ZNF420: variants seen among roughly 807,000 people sequenced by gnomAD.
The protein encoded by ZNF420 is ATM and p53-associated KZNF protein.
In ZNF420, 31 loss-of-function variants were observed where a neutral mutation model predicts 44.7. That is an observed-to-expected ratio of 0.69 (90% CI 0.52 to 0.94). The LOEUF is 0.94. ZNF420 is among the 40% of genes least tolerant of loss of function. The pLI, the probability that ZNF420 is intolerant of heterozygous loss-of-function variation, is 0.00. For synonymous variants in ZNF420, 245 were observed against 267.4 expected (o/e 0.92, Z 0.82); for missense variants, 681 against 827.9 (o/e 0.82, Z 2.18).
chr19:37,090,541 A>G (rs946591664), intron 3 of ZNF420, among the ~76,000 whole-genome samples: 1 of 151,890 alleles, frequency 6.6e-6, no homozygotes, highest in African/African-American at 2.4e-5. Context: ...TAGCAATAGG[A>G]ATAATCAGGA....
intron 1 of ZNF420, among the ~76,000 whole-genome samples, chr19:37,064,924 G>A (rs114325702): frequency 0.044 from 6,665 of 152,278 alleles, 202 homozygotes; most frequent in East Asian, 0.078. Context: ...AAGTGGGACC[G>A]GACCCAGGGG....
intron 4 of ZNF420, among the ~76,000 whole-genome samples, chr19:37,114,264 T>G (rs2146681662): frequency 6.6e-6 from 1 of 152,330 alleles, no homozygotes. Flanking sequence ...TGCCCTGTGG[T>G]GCTGGAAACA....
chr19:37,055,528 G>C (rs1457839475), intron 1 of ZNF420, among the ~76,000 whole-genome samples: 1 of 152,190 alleles, frequency 6.6e-6, no homozygotes, highest in East Asian at 1.9e-4. Context: ...ACTGCCACAG[G>C]AGCCCCCGTC....
intron 2 of ZNF420, among the ~76,000 whole-genome samples, chr19:37,084,587 G>A (rs537903958): frequency 1.3e-5 from 2 of 152,140 alleles, no homozygotes; most frequent in African/African-American, 2.4e-5. Flanking sequence ...TTCTGAAAAC[G>A]TTTGTGAAAG....
At chr19:37,016,968 C>T (rs180846883) in intron 1 of ZNF420, among the ~76,000 whole-genome samples, 8 of 152,258 alleles carry the variant, frequency 5.3e-5, no homozygotes, top group Non-Finnish European at 1.2e-4. Flanking sequence ...ACATGAATCC[C>T]AAGGCTCCCA....
At chr19:37,088,629 C>T (rs1447253561) in intron 2 of ZNF420, among the ~76,000 whole-genome samples, 2 of 152,110 alleles carry the variant, frequency 1.3e-5, no homozygotes, top group Non-Finnish European at 2.9e-5. Context: ...TAAAAGGTGT[C>T]AACAATACTT....
At position 37,105,828 on chromosome 19, in the gene ZNF420, T is replaced by C. The variant is rs1480352232; in HGVS notation, c.136+14707T>C. The stretch of plus-strand genomic sequence containing the variant: ...AATGGGAGTTCACTCATGATTTGGC[T>C]GTTTGTCTGTTATTGGTGTATAAGA... On this transcript the variant is annotated intron_variant, in intron 4 of 4. Transcript: ENST00000337995. 4.0e-5 allele frequency among the ~76,000 whole-genome samples: 6 copies of C among 151,836 alleles called. No individual in the cohort carries two copies. In the East Asian group the frequency reaches 1.2e-3, roughly 29 times the overall value.
At chr19:37,016,972 G>T (rs956048635) in intron 1 of ZNF420, among the ~76,000 whole-genome samples, 1 of 152,156 alleles carries the variant, frequency 6.6e-6, no homozygotes, top group African/African-American at 2.4e-5. Flanking sequence ...GAATCCCAAG[G>T]CTCCCAGAGA....
chr19:37,029,193 A>G (rs1296948713), intron 1 of ZNF420, among the ~76,000 whole-genome samples: 1 of 152,228 alleles, frequency 6.6e-6, no homozygotes, highest in Non-Finnish European at 1.5e-5. Flanking sequence ...CTCATTAGCC[A>G]TATGGACACA....
chr19:37,129,321 G>T lies in ZNF420; in HGVS notation c.*263G>T. ...ATTGAAAACAAATATCTTTTTCAAC[G>T]TTATCTTAGCTCTACTAGTTGATCT... On this transcript the variant is annotated 3_prime_UTR_variant, in exon 5 of 5. Transcript: ENST00000337995. 2.4e-6 allele frequency: 1 copy of T among 421,154 alleles called. No individual in the cohort carries two copies. The highest frequency in any genetic ancestry group is 4.2e-6 in the Non-Finnish European group (1 of 236,908). The allele number at this position is 421,154 out of a possible 1,614,324, so 26.1% of individuals were successfully genotyped here. A position where few individuals can be genotyped will look rare whatever the true frequency, so the allele number is the denominator to read the frequency against.
chr19:37,013,593 C>T (rs1034150500), intron 1 of ZNF420, among the ~76,000 whole-genome samples: 7 of 152,178 alleles, frequency 4.6e-5, no homozygotes, highest in Non-Finnish European at 1.5e-5. Flanking sequence ...TCTCCGGACT[C>T]CCATTTGGAT....
At chr19:37,064,206 CT>C in intron 1 of ZNF420, among the ~76,000 whole-genome samples, 1 of 152,258 alleles carries the variant, frequency 6.6e-6, no homozygotes, top group South Asian at 2.1e-4. Context: ...TAAAATTACT[CT>C]TTTTTTCCTT....
chr19:37,015,852 T>G (rs1454690334), intron 1 of ZNF420, among the ~76,000 whole-genome samples: 1 of 152,230 alleles, frequency 6.6e-6, no homozygotes, highest in Non-Finnish European at 1.5e-5. Context: ...CGGAGCCACA[T>G]GCGAGTGGGA....
At chr19:37,107,037 T>C (rs1970129536) in intron 4 of ZNF420, 1 of 152,134 alleles carries the variant, frequency 6.6e-6, no homozygotes, top group East Asian at 1.9e-4. Context: ...TCTCAGTAAA[T>C]AGAACATACA....
intron 4 of ZNF420, among the ~76,000 whole-genome samples, chr19:37,105,933 A>T (rs1269560098): frequency 6.6e-6 from 1 of 152,206 alleles, no homozygotes; most frequent in East Asian, 1.9e-4. Context: ...GATTTCGGGC[A>T]GAGACTATGG....
chr19:37,105,554 G>C (rs1042910222), intron 4 of ZNF420, among the ~76,000 whole-genome samples: 1 of 152,116 alleles, frequency 6.6e-6, no homozygotes, highest in Non-Finnish European at 1.5e-5. Context: ...TAGCTTGATG[G>C]GGATGGCATT....
At chr19:37,093,829 A>C (rs1969291633) in intron 4 of ZNF420, among the ~76,000 whole-genome samples, 1 of 152,190 alleles carries the variant, frequency 6.6e-6, no homozygotes, top group African/African-American at 2.4e-5. Flanking sequence ...GGTAGAACAG[A>C]TGGAGAATGG....
intron 4 of ZNF420, chr19:37,092,360 AAG>A (rs1411485984): frequency 2.6e-5 from 4 of 151,974 alleles, no homozygotes; most frequent in Non-Finnish European, 5.9e-5. Context: ...CCACTTTCAA[AAG>A]AGGGAATGGT....
At chr19:37,012,134 T>C (rs1305915608) in intron 1 of ZNF420, among the ~76,000 whole-genome samples, 1 of 152,086 alleles carries the variant, frequency 6.6e-6, no homozygotes, top group Non-Finnish European at 1.5e-5. Flanking sequence ...CCTCCACCGG[T>C]AGAAGTCGGC....
Sources: allele counts gnomAD v4.1 joint callset (sites outside exome capture counted in the v4.1 genomes callset), GRCh38; gene constraint gnomAD v4.1.1; transcripts MANE v1.5; gene names NCBI Gene and HGNC (gene_info 2026-07-23, HGNC 2026-07-21).